ULK4: variants seen among roughly 807,000 people sequenced by gnomAD.
The protein encoded by ULK4 is inactive serine/threonine-protein kinase ULK4.
ULK4 carries 133 observed loss-of-function variants against 160.6 expected under a neutral mutation model. That is an observed-to-expected ratio of 0.83 (90% CI 0.72 to 0.96). The LOEUF (loss-of-function observed/expected upper bound fraction) is 0.96. ULK4 is among the 40% of genes least tolerant of loss of function. ULK4 has a pLI of 0.00. For missense variants in ULK4, 1,580 were observed against 1,499.5 expected (o/e 1.05, Z -0.89); for synonymous variants, 534 against 539.8 (o/e 0.99, Z 0.15).
At chr3:41,952,028 C>A (rs1478547160) in intron 2 of ULK4, among the ~76,000 whole-genome samples, 1 of 152,118 alleles carries the variant, frequency 6.6e-6, no homozygotes, top group South Asian at 2.1e-4. Context: ...GAGACATTTA[C>A]GGAACACCAC....
intron 34 of ULK4, among the ~76,000 whole-genome samples, chr3:41,431,342 G>A (rs903100102): frequency 6.9e-6 from 1 of 144,646 alleles, no homozygotes; most frequent in South Asian, 2.2e-4. Context: ...GCGAGACTCC[G>A]TCACACACAC....
At chr3:41,706,847 ATATG>A (rs1222107016) in intron 25 of ULK4, among the ~76,000 whole-genome samples, 1 of 109,198 alleles carries the variant, frequency 9.2e-6, no homozygotes, top group Non-Finnish European at 1.6e-5. Context: ...AAAAAAAAAA[ATATG>A]TGTGTGTGTG....
intron 17 of ULK4, among the ~76,000 whole-genome samples, chr3:41,858,444 G>A (rs2042421077): frequency 6.6e-6 from 1 of 150,652 alleles, no homozygotes; most frequent in Admixed American, 6.6e-5. Flanking sequence ...GAGCCACCAT[G>A]CCCAGCCTCC....
chr3:41,934,118 A>G (rs1015459699), intron 4 of ULK4, among the ~76,000 whole-genome samples: 1 of 152,202 alleles, frequency 6.6e-6, no homozygotes, highest in South Asian at 2.1e-4. Context: ...AATCAAAATA[A>G]TATTTCTAGA....
At chr3:41,603,956 G>A (rs2032245132) in intron 31 of ULK4, among the ~76,000 whole-genome samples, 1 of 151,970 alleles carries the variant, frequency 6.6e-6, no homozygotes, top group South Asian at 2.1e-4. Context: ...ATATTGAGTG[G>A]CCACCTAAGA....
chr3:41,715,499 A>G lies in ULK4; in HGVS notation c.2525T>C (p.Leu842Pro), dbSNP rs1279345039. 3 of 1,614,162 alleles carry G rather than the reference A, an allele frequency of 1.9e-6. No homozygotes were observed. The highest frequency in any genetic ancestry group is 1.7e-6 in the Non-Finnish European group (2 of 1,180,002). ...AGGCATCAGGGGGAGACACAACTTC[A>G]GCTGTTTCACTTGAACTGTTGATGG... ...KHPSTVQVKQLKLCLPLMPVV... is the reference protein window; with the variant it reads ...KHPSTVQVKQPKLCLPLMPVV... Residue 842 changes from leucine to proline, a missense_variant, in exon 24 of 37, where the codon CTG becomes CCG. Leu to Pro is a moderately conservative substitution (Grantham distance 98). Coordinates refer to ENST00000301831, the MANE Select transcript of ULK4 (RefSeq NM_017886.4).
At chr3:41,824,097 G>T (rs564935183) in intron 18 of ULK4, among the ~76,000 whole-genome samples, 5 of 146,440 alleles carry the variant, frequency 3.4e-5, no homozygotes, top group Admixed American at 6.8e-5. Flanking sequence ...CAGGAGGTGG[G>T]GGTTGCAGTG....
At chr3:41,707,821 T>C (rs1374451046) in intron 25 of ULK4, among the ~76,000 whole-genome samples, 1 of 150,474 alleles carries the variant, frequency 6.6e-6, no homozygotes, top group Admixed American at 6.6e-5. Context: ...GGGCAAGACC[T>C]TGTCTCCAAA....
chr3:41,313,736 T>C (rs1036809821), intron 35 of ULK4, among the ~76,000 whole-genome samples: 3 of 152,170 alleles, frequency 2.0e-5, no homozygotes, highest in Admixed American at 6.5e-5. Flanking sequence ...TCTATAGTGG[T>C]TTTAAAACAT....
chr3:41,824,120 G>A (rs1268215007), intron 18 of ULK4, among the ~76,000 whole-genome samples: 3 of 144,202 alleles, frequency 2.1e-5, no homozygotes, highest in Non-Finnish European at 4.5e-5. Context: ...CCAAGATTAT[G>A]TCACTGCATT....
At chr3:41,509,505 C>T (rs2085498826) in intron 32 of ULK4, among the ~76,000 whole-genome samples, 1 of 152,156 alleles carries the variant, frequency 6.6e-6, no homozygotes, top group Non-Finnish European at 1.5e-5. Flanking sequence ...GGAAGATCAT[C>T]ACCTTGGCAC....
At chr3:41,400,182 G>C (rs184636729) in intron 34 of ULK4, among the ~76,000 whole-genome samples, 2 of 152,104 alleles carry the variant, frequency 1.3e-5, no homozygotes, top group East Asian at 3.9e-4. Flanking sequence ...TAGAACCTTA[G>C]CCATCAACCT....
intron 32 of ULK4, among the ~76,000 whole-genome samples, chr3:41,504,797 G>GCAGATAGAT (rs1301154741): frequency 2.6e-5 from 4 of 152,054 alleles, no homozygotes. Flanking sequence ...CATTTCATTT[G>GCAGATAGAT]CAGATAGATC....
At chr3:41,261,117 C>T (rs1406135221) in intron 35 of ULK4, among the ~76,000 whole-genome samples, 1 of 152,070 alleles carries the variant, frequency 6.6e-6, no homozygotes, top group Non-Finnish European at 1.5e-5. Context: ...TGTGCGGGGG[C>T]AAAGTTGACA....
intron 35 of ULK4, among the ~76,000 whole-genome samples, chr3:41,267,813 G>A (rs562970119): frequency 6.6e-6 from 1 of 152,320 alleles, no homozygotes; most frequent in Non-Finnish European, 1.5e-5. Context: ...GAGGCAAAGT[G>A]ACTAGCCATG....
At chr3:41,629,171 G>T (rs986579018) in intron 30 of ULK4, among the ~76,000 whole-genome samples, 2 of 152,290 alleles carry the variant, frequency 1.3e-5, no homozygotes, top group Admixed American at 1.3e-4. Flanking sequence ...AATTTCGGCA[G>T]GACACAGTGG....
chr3:41,498,184 C>G (rs2085059150), intron 32 of ULK4, among the ~76,000 whole-genome samples: 1 of 152,120 alleles, frequency 6.6e-6, no homozygotes, highest in South Asian at 2.1e-4. Context: ...TTTCAAAAAA[C>G]TGAAATGTTT....
At chr3:41,311,991 A>G (rs2080060242) in intron 35 of ULK4, among the ~76,000 whole-genome samples, 1 of 110,940 alleles carries the variant, frequency 9.0e-6, no homozygotes, top group Non-Finnish European at 1.7e-5. Context: ...TTTATTTTTT[A>G]GCAGTGGGTT....
chr3:41,289,619 G>A (rs2079520842), intron 35 of ULK4, among the ~76,000 whole-genome samples: 1 of 152,142 alleles, frequency 6.6e-6, no homozygotes, highest in Non-Finnish European at 1.5e-5. Flanking sequence ...AGAACCCTGG[G>A]TTGAAGGTGG....
Sources: allele counts gnomAD v4.1 joint callset (sites outside exome capture counted in the v4.1 genomes callset), GRCh38; gene constraint gnomAD v4.1.1; transcripts MANE v1.5; gene names NCBI Gene and HGNC (gene_info 2026-07-23, HGNC 2026-07-21).